The following AIFM1 variants were observed in gnomAD, a reference collection of about 807,000 sequenced individuals.
AIFM1 encodes apoptosis-inducing factor 1, mitochondrial.
In AIFM1, 3 loss-of-function variants were observed where a neutral mutation model predicts 51.7. The ratio of observed to expected loss-of-function variants is 0.06; its 90% CI spans 0.03 to 0.15. The LOEUF is 0.15. AIFM1 is among the 10% of genes least tolerant of loss of function. The pLI is 1.00. For synonymous variants in AIFM1, 178 were observed against 179.4 expected, an observed-to-expected ratio of 0.99 and a Z score of 0.06; for missense variants, 330 against 476.8, an observed-to-expected ratio of 0.69 and a Z score of 2.87.
chrX:130,162,900 C>A (rs780516138), intron 1 of AIFM1, among the ~76,000 whole-genome samples: 1 of 111,725 alleles, frequency 9.0e-6, no homozygotes, highest in African/African-American at 3.3e-5. Flanking sequence ...TATGAGTTAC[C>A]TTCAATCATC....
intron 3 of AIFM1, 170 bp from the exon 4 acceptor site, chrX:130,148,046 A>T (rs2030819069): frequency 1.7e-6 from 1 of 581,191 alleles, no homozygotes; most frequent in African/African-American, 2.3e-5. Flanking sequence ...TGGGAGAGGA[A>T]AAGCAAGTAT....
chrX:130,140,665 T>C lies in AIFM1; in HGVS notation c.697-48A>G, dbSNP rs759806226. On this transcript the variant is annotated intron_variant, in intron 6 of 15. Coordinates refer to ENST00000287295, the MANE Select transcript of AIFM1 (RefSeq NM_004208.4). ...CAAAAGAGGTAGAGATGAATTAGCA[T>C]TGAAAAAGTTTTATTGAGATATAAT... 2.3e-5 allele frequency: 23 copies of C among 983,219 alleles called. No homozygotes were observed. The African/African-American group carries it at 3.6e-4, about 15-fold the overall frequency. 81.0% of individuals were successfully genotyped at this position (983,219 alleles called of 1,213,427 possible). A position where few individuals can be genotyped will look rare whatever the true frequency, so the allele number is the denominator to read the frequency against.
At chrX:130,131,456 C>T (rs775654956) in intron 14 of AIFM1, among the ~76,000 whole-genome samples, 2 of 112,307 alleles carry the variant, frequency 1.8e-5, no homozygotes, top group Non-Finnish European at 3.8e-5. Context: ...GGACAGATAC[C>T]CACAATATTT....
At chrX:130,132,433 G>A (rs747036403) in intron 13 of AIFM1, among the ~76,000 whole-genome samples, 63 of 112,759 alleles carry the variant, frequency 5.6e-4, no homozygotes, top group African/African-American at 2.0e-3. Flanking sequence ...CACTACTTTT[G>A]TCTTGAAATT....
At chrX:130,154,873 A>C (rs1443027248) in intron 2 of AIFM1, among the ~76,000 whole-genome samples, 1 of 112,613 alleles carries the variant, frequency 8.9e-6, no homozygotes, top group Non-Finnish European at 1.9e-5. Flanking sequence ...ATTTGGTATC[A>C]TACAAAATCA....
chrX:130,144,138 T>C (rs1209804824), intron 6 of AIFM1, among the ~76,000 whole-genome samples: 2 of 112,073 alleles, frequency 1.8e-5, no homozygotes, highest in Non-Finnish European at 3.8e-5. Flanking sequence ...AAGATTAGAA[T>C]AGGTACTATA....
At position 130,134,334 on chromosome X, in the gene AIFM1, AAC is replaced by A. The variant is rs201930184; in HGVS notation, c.1306-881_1306-880del. Among the ~76,000 whole-genome samples, 5 of 111,674 alleles carry A rather than the reference AAC, an allele frequency of 4.5e-5. No homozygotes were observed. The East Asian group carries it at 1.4e-3, about 31-fold the overall frequency. On this transcript the variant is annotated intron_variant, in intron 12 of 15. Transcript: ENST00000287295. The stretch of plus-strand genomic sequence containing the variant: ...TATGTCTACTTCCTGTTCTTTCCTT[AAC>A]AGACAGGATATTTAATAACCATGAT...
chrX:130,138,454 G>A (rs1427768721), intron 9 of AIFM1, 139 bp downstream of exon 9: 20 of 500,260 alleles, frequency 4.0e-5, no homozygotes, highest in South Asian at 1.1e-4. Context: ...GACAGAGCGA[G>A]ACTCCATCTC....
intron 2 of AIFM1, among the ~76,000 whole-genome samples, chrX:130,151,001 G>GAA (rs2030955092): frequency 1.4e-5 from 1 of 69,246 alleles, no homozygotes; most frequent in African/African-American, 6.6e-5. Flanking sequence ...AAAAAGAAAA[G>GAA]AAAAACCTAC....
chrX:130,161,918 T>C (rs2031366549), intron 1 of AIFM1, among the ~76,000 whole-genome samples: 1 of 112,271 alleles, frequency 8.9e-6, no homozygotes, highest in African/African-American at 3.2e-5. Context: ...TCAGCCTTTT[T>C]TAATTTTTTA....
At chrX:130,130,190 T>G (rs1252974692) in intron 14 of AIFM1, 24 bp from the exon 15 acceptor site, 1 of 1,208,369 alleles carries the variant, frequency 8.3e-7, no homozygotes, top group Non-Finnish European at 1.1e-6. Flanking sequence ...CCAAAACAAA[T>G]AAACATGGAA....
rs1240133968 is a variant in AIFM1, at chrX:130,140,156, G to A, written c.782-285C>T. Among the ~76,000 whole-genome samples, 4 of 112,664 alleles carry A rather than the reference G, an allele frequency of 3.6e-5. No homozygotes were observed. The East Asian group carries it at 1.1e-3, about 31-fold the overall frequency. On this transcript the variant is annotated intron_variant, in intron 7 of 15. Coordinates refer to ENST00000287295, the MANE Select transcript of AIFM1 (RefSeq NM_004208.4). ...TCCATGTTCTCTTCTAGTTTCTCAT[G>A]AGGATTTGCCAGCTAGCATAGCTAC...
At chrX:130,159,644 T>G (rs918130098) in intron 1 of AIFM1, among the ~76,000 whole-genome samples, 3 of 110,227 alleles carry the variant, frequency 2.7e-5, no homozygotes, top group Non-Finnish European at 3.8e-5. Context: ...TTCTGTTTAT[T>G]CCTCCAGAAG....
chrX:130,139,247 G>A (rs549362582), intron 8 of AIFM1, among the ~76,000 whole-genome samples: 1 of 109,770 alleles, frequency 9.1e-6, no homozygotes, highest in African/African-American at 3.3e-5. Context: ...CACAAGAATC[G>A]CTTGAACCCG....
rs367928514 is a variant in AIFM1 at position 130,132,795 on chromosome X, G to A, written c.1448+518C>T. On this transcript the variant is annotated intron_variant, in intron 13 of 15. Coordinates refer to ENST00000287295, the MANE Select transcript of AIFM1 (RefSeq NM_004208.4). Reference sequence around the variant, plus strand: ...GGAGTCTCGCTCTGTCACCCAGGCCGGAGTGCAGTGGTGTGATCTCGGCTC... The same window carrying A: ...GGAGTCTCGCTCTGTCACCCAGGCCAGAGTGCAGTGGTGTGATCTCGGCTC... Among the ~76,000 whole-genome samples the A allele has an allele frequency of 1.3e-3, 139 of 103,736 alleles. 1 individual carries two copies. Among genetic ancestry groups the A allele is most frequent in the African/African-American group, 4.7e-3 (133 of 28,117 alleles). 90.1% of individuals were successfully genotyped at this position (103,736 alleles called of 115,157 possible).
chrX:130,144,659 C>G (rs1018587397), intron 6 of AIFM1, among the ~76,000 whole-genome samples: 3 of 111,765 alleles, frequency 2.7e-5, no homozygotes, highest in Admixed American at 9.5e-5. Flanking sequence ...CTACTGGGCA[C>G]CCTTCCCAGT....
intron 14 of AIFM1, 138 bp downstream of exon 14, chrX:130,131,537 T>A: frequency 1.1e-6 from 1 of 927,577 alleles, no homozygotes; most frequent in South Asian, 2.1e-5. Flanking sequence ...GACTTGGGGT[T>A]TGGTTTCTTT....
intron 3 of AIFM1, among the ~76,000 whole-genome samples, chrX:130,148,801 C>T (rs1281543720): frequency 1.1e-5 from 1 of 89,275 alleles, no homozygotes; most frequent in Non-Finnish European, 2.1e-5. Context: ...CCACTGCACT[C>T]CAGCCTGGGC....
intron 9 of AIFM1, chrX:130,137,822 G>T (rs1447373455): frequency 2.5e-6 from 2 of 813,897 alleles, no homozygotes; most frequent in African/African-American, 2.2e-5. Flanking sequence ...CAGCACTTTG[G>T]GTGGCCGAGG....
Sources: allele counts gnomAD v4.1 joint callset (sites outside exome capture counted in the v4.1 genomes callset), GRCh38; gene constraint gnomAD v4.1.1; transcripts MANE v1.5; gene names NCBI Gene and HGNC (gene_info 2026-07-23, HGNC 2026-07-21).